UBE2L3: variants seen among roughly 807,000 people sequenced by gnomAD.
UBE2L3 encodes ubiquitin conjugating enzyme E2 L3.
Under a neutral mutation model 17.8 loss-of-function variants are expected in UBE2L3, and 1 was observed. The observed-to-expected ratio is 0.06, with a 90% CI of 0.02 to 0.27. The LOEUF (loss-of-function observed/expected upper bound fraction) is 0.27, where lower values mean the gene tolerates loss of function less well. Among genes scored for constraint, UBE2L3 ranks in the 10% least tolerant of loss-of-function variants. The probability of loss-of-function intolerance (pLI) is 1.00; values close to 1 mark genes in which losing one functional copy is unlikely to be tolerated. For synonymous variants in UBE2L3, 44 were observed against 68.5 expected (o/e 0.64, Z 1.76); for missense variants, 40 against 192.6 (o/e 0.21, Z 4.69).
intron 2 of UBE2L3, among the ~76,000 whole-genome samples, chr22:21,600,989 A>G (rs1928825345): frequency 6.6e-6 from 1 of 152,050 alleles, no homozygotes; most frequent in East Asian, 2.0e-4. Flanking sequence ...GGCCAACATG[A>G]TGAAACCCTA....
chr22:21,578,425 G>A (rs931734445), intron 1 of UBE2L3, among the ~76,000 whole-genome samples: 6 of 151,864 alleles, frequency 4.0e-5, no homozygotes, highest in African/African-American at 9.7e-5. Context: ...GATTCTCCAC[G>A]AGTTTTACAC....
chr22:21,601,696 G>A (rs957813716), intron 2 of UBE2L3, among the ~76,000 whole-genome samples: 1 of 151,772 alleles, frequency 6.6e-6, no homozygotes, highest in Non-Finnish European at 1.5e-5. Context: ...GGCCAGGCAC[G>A]GTGGCTCACT....
intron 1 of UBE2L3, among the ~76,000 whole-genome samples, chr22:21,585,355 C>G (rs979486940): frequency 6.6e-6 from 1 of 152,190 alleles, no homozygotes; most frequent in African/African-American, 2.4e-5. Context: ...TACTGGATCT[C>G]TAAAATATTT....
chr22:21,585,708 A>G (rs1211524934), intron 1 of UBE2L3, among the ~76,000 whole-genome samples: 1 of 152,210 alleles, frequency 6.6e-6, no homozygotes, highest in Non-Finnish European at 1.5e-5. Flanking sequence ...GGTGATAGGC[A>G]GGACAGTTAG....
chr22:21,584,671 A>AT (rs1243544292), intron 1 of UBE2L3, among the ~76,000 whole-genome samples: 1 of 148,110 alleles, frequency 6.8e-6, no homozygotes, highest in Non-Finnish European at 1.5e-5. Context: ...GCCTCAAGTG[A>AT]TTTTCCCGCT....
chr22:21,618,185 A>T (rs1929873540), intron 3 of UBE2L3, among the ~76,000 whole-genome samples: 1 of 148,032 alleles, frequency 6.8e-6, no homozygotes, highest in African/African-American at 2.5e-5. Context: ...CATCTCAATT[A>T]AAAAAAAAAT....
rs548267344 is a variant in UBE2L3, at chr22:21,618,986, A to G, written c.311-2529A>G. Among the ~76,000 whole-genome samples, 4 of 152,314 alleles carry G rather than the reference A, an allele frequency of 2.6e-5. No individual in the cohort carries two copies. In the South Asian group the frequency reaches 8.3e-4, roughly 32 times the overall value. On this transcript the variant is annotated intron_variant, in intron 3 of 3. Coordinates refer to ENST00000342192, the MANE Select transcript of UBE2L3 (RefSeq NM_003347.4). ...CTCCTGAGCGTGCCCCTAACGAAGT[A>G]CTCAGCCTGTCCTTAGCCCAGTGAG...
chr22:21,569,098 G>T (rs1411065150), intron 1 of UBE2L3, among the ~76,000 whole-genome samples: 1 of 152,002 alleles, frequency 6.6e-6, no homozygotes, highest in African/African-American at 2.4e-5. Flanking sequence ...AATTTAGAAA[G>T]ATTTCTGGAG....
chr22:21,563,213 G>A (rs182510185), upstream of UBE2L3, among the ~76,000 whole-genome samples: 1,590 of 142,522 alleles, frequency 0.011, 24 homozygotes, highest in African/African-American at 0.04. Flanking sequence ...CTGCACTCCA[G>A]CCTGGGCGAC....
intron 3 of UBE2L3, among the ~76,000 whole-genome samples, chr22:21,611,294 C>G (rs564924360): frequency 6.6e-6 from 1 of 152,216 alleles, no homozygotes; most frequent in East Asian, 1.9e-4. Flanking sequence ...CATGGACAGA[C>G]AAGCCCAGTG....
intron 1 of UBE2L3, among the ~76,000 whole-genome samples, chr22:21,569,395 CAAAAAAAA>C (rs541227444): frequency 4.6e-5 from 4 of 86,206 alleles, no homozygotes; most frequent in African/African-American, 1.3e-4. Context: ...GACTCCATGT[CAAAAAAAA>C]AAAAAAAAAA....
upstream of UBE2L3, among the ~76,000 whole-genome samples, chr22:21,563,552 C>T (rs1404293077): frequency 4.8e-5 from 7 of 146,596 alleles, 1 homozygote; most frequent in Non-Finnish European, 7.5e-5. Flanking sequence ...AAGAGCGAGA[C>T]TCCGTCTCAA....
At chr22:21,597,893 G>A (rs919837274) in intron 2 of UBE2L3, among the ~76,000 whole-genome samples, 1 of 136,802 alleles carries the variant, frequency 7.3e-6, no homozygotes, top group African/African-American at 2.7e-5. Context: ...AGGCTCAAGC[G>A]ATCCTCCCAC....
rs1455348192 is a variant in UBE2L3 at position 21,575,211 on chromosome 22, A to G, written c.27+7440A>G. Reference sequence around the variant, plus strand: ...GAGGCAGAGGTTGCAGTGAGCCAAGATCATGCCACTGCACTCTGGCCTGGG... The same window carrying G: ...GAGGCAGAGGTTGCAGTGAGCCAAGGTCATGCCACTGCACTCTGGCCTGGG... On this transcript the variant is annotated intron_variant, in intron 1 of 3. Coordinates refer to ENST00000342192, the MANE Select transcript of UBE2L3 (RefSeq NM_003347.4). Among the ~76,000 whole-genome samples the G allele has an allele frequency of 2.0e-5, 3 of 148,164 alleles. No individual in the cohort carries two copies. The East Asian group carries it at 6.0e-4, about 29-fold the overall frequency.
At chr22:21,602,370 C>T (rs148174811) in intron 2 of UBE2L3, among the ~76,000 whole-genome samples, 193 of 152,292 alleles carry the variant, frequency 1.3e-3, no homozygotes, top group African/African-American at 4.4e-3. Flanking sequence ...TGCCATGTAG[C>T]AGCAGTCCAA....
chr22:21,572,267 C>G (rs1478392959), intron 1 of UBE2L3, among the ~76,000 whole-genome samples: 2 of 151,832 alleles, frequency 1.3e-5, no homozygotes, highest in East Asian at 3.9e-4. Flanking sequence ...ACCCCCGTCT[C>G]TACTAAAAAT....
chr22:21,610,910 A>G lies in UBE2L3; in HGVS notation c.177A>G (p.Ala59=), dbSNP rs747561160. 51 of 1,613,566 alleles carry G rather than the reference A, an allele frequency of 3.2e-5. No individual in the cohort carries two copies. The highest frequency in any genetic ancestry group is 3.8e-5 in the Non-Finnish European group (45 of 1,179,878). ...GAFRIEINFP[A]EYPFKPPKIT... ...TCAGAATCGAAATCAACTTTCCAGC[A>G]GAGTACCCATTCAAACCACCGAAGA... Residue 59 remains alanine (A), a synonymous_variant, in exon 3 of 4, where the codon GCA becomes GCG. Transcript: ENST00000342192.
intron 2 of UBE2L3, among the ~76,000 whole-genome samples, chr22:21,609,791 C>T (rs1440338615): frequency 3.3e-5 from 5 of 152,076 alleles, no homozygotes; most frequent in Admixed American, 6.6e-5. Flanking sequence ...TTTGGGAGGC[C>T]GAGGCAGGCA....
chr22:21,590,518 T>C (rs1314207080), intron 1 of UBE2L3, among the ~76,000 whole-genome samples: 2 of 152,246 alleles, frequency 1.3e-5, no homozygotes, highest in African/African-American at 4.8e-5. Context: ...CTTTATACTG[T>C]TGGAGTGTGG....
Sources: gnomAD v4.1 joint callset for allele counts (sites outside exome capture counted in the v4.1 genomes callset) on GRCh38, gnomAD v4.1.1 for gene constraint, MANE v1.5 for transcripts, NCBI Gene and HGNC (gene_info 2026-07-23, HGNC 2026-07-21) for gene names.